HEATR5A: variants seen among roughly 807,000 people sequenced by gnomAD.
HEATR5A encodes the protein HEAT repeat-containing protein 5A.
Under a neutral mutation model 218.8 loss-of-function variants are expected in HEATR5A, and 178 were observed. The ratio of observed to expected loss-of-function variants is 0.81; its 90% confidence interval spans 0.72 to 0.92. The LOEUF (loss-of-function observed/expected upper bound fraction) is 0.92, where lower values mean the gene tolerates loss of function less well. Among genes scored for constraint, HEATR5A ranks in the 40% least tolerant of loss-of-function variants. The pLI, the probability that HEATR5A is intolerant of heterozygous loss-of-function variation, is 0.00. For synonymous variants in HEATR5A, 864 were observed against 871.6 expected, an observed-to-expected ratio of 0.99 and a Z score of 0.15; for missense variants, 2,420 against 2,418.9, an observed-to-expected ratio of 1.00 and a Z score of -0.01.
chr14:31,382,643 C>T (rs1424938811), intron 10 of HEATR5A, among the ~76,000 whole-genome samples: 1 of 151,652 alleles, frequency 6.6e-6, no homozygotes, highest in Non-Finnish European at 1.5e-5. Context: ...TACATTAAAA[C>T]TGGGTTATTT....
chr14:31,350,846 C>T (rs1394729977), intron 16 of HEATR5A, 129 bp from the exon 17 acceptor site: 9 of 579,028 alleles, frequency 1.6e-5, no homozygotes, highest in African/African-American at 3.8e-5. Flanking sequence ...GGCACCATCT[C>T]GGCTCACTAC....
chr14:31,344,006 G>A lies in HEATR5A; in HGVS notation c.3118C>T (p.Gln1040Ter). The A allele has an allele frequency of 6.2e-7, 1 of 1,609,976 alleles. No homozygotes were observed. The highest frequency in any genetic ancestry group is 8.5e-7 in the Non-Finnish European group (1 of 1,178,050). Residue 1040 changes from glutamine (Q) to a stop codon, truncating the protein, a stop_gained, in exon 21 of 36, where the codon CAA becomes TAA. Coordinates refer to ENST00000543095, the MANE Select transcript of HEATR5A (RefSeq NM_015473.4). LOFTEE classifies it high-confidence loss of function. Reference protein sequence around the residue: ...TSCLLGCAVMQDNPDCLVQAQ... With the variant: ...TSCLLGCAVM ...TGAACAAGGCAGTCTGGGTTATCTTGCATTACTGCACAACCCAGTAGACAG... is the reference window on the plus strand; with the variant it reads ...TGAACAAGGCAGTCTGGGTTATCTTACATTACTGCACAACCCAGTAGACAG...
At chr14:31,381,867 T>C (rs779316727) in intron 10 of HEATR5A, among the ~76,000 whole-genome samples, 2 of 152,140 alleles carry the variant, frequency 1.3e-5, no homozygotes, top group Non-Finnish European at 2.9e-5. Flanking sequence ...GCTTACACAG[T>C]ACAAGGCCAG....
intron 14 of HEATR5A, among the ~76,000 whole-genome samples, chr14:31,363,787 C>T (rs1384981139): frequency 6.6e-6 from 1 of 152,106 alleles, no homozygotes; most frequent in African/African-American, 2.4e-5. Flanking sequence ...TCGAGACCAG[C>T]TTGGGCAACA....
rs767931406 is a variant in HEATR5A at position 31,309,229 on chromosome 14, A to G, written c.4442-47T>C. 14 of 1,585,700 alleles carry G rather than the reference A, an allele frequency of 8.8e-6. No individual in the cohort carries two copies. The South Asian group carries it at 1.5e-4, about 17-fold the overall frequency. Reference sequence around the variant, plus strand: ...AAAATAAGAGATTAACTTCCAATATATTTTCTCTTTTTTCTGTTACAAGAT... The same window carrying G: ...AAAATAAGAGATTAACTTCCAATATGTTTTCTCTTTTTTCTGTTACAAGAT... On this transcript the variant is annotated intron_variant, in intron 28 of 35. Transcript: ENST00000543095.
At chr14:31,336,213 CATACATATATATATATATATATAT>C (rs1315289866) in intron 22 of HEATR5A, among the ~76,000 whole-genome samples, 1,621 of 90,730 alleles carry the variant, frequency 0.018, 97 homozygotes, top group African/African-American at 0.052. Flanking sequence ...TATATACATA[CATACATATATATATATATATATAT>C]ATATATATAT....
At chr14:31,344,160 AAC>A (rs1413543789) in intron 20 of HEATR5A, 95 bp from the exon 21 acceptor site, 2 of 652,828 alleles carry the variant, frequency 3.1e-6, no homozygotes, top group African/African-American at 3.7e-5. Flanking sequence ...TTCCAGTTTA[AAC>A]ATATATTACA....
chr14:31,318,083 A>C, intron 26 of HEATR5A, 141 bp downstream of exon 26: 3 of 663,130 alleles, frequency 4.5e-6, no homozygotes, highest in Non-Finnish European at 8.0e-6. Flanking sequence ...GTTATCAAAA[A>C]GGAAGAGTAA....
In HEATR5A at chr14:31,294,059, G is replaced by T; in HGVS notation, c.5665C>A (p.Pro1889Thr). 6.2e-7 allele frequency: 1 copy of T among 1,601,436 alleles called. No individual in the cohort carries two copies. The highest frequency in any genetic ancestry group is 1.1e-5 in the South Asian group (1 of 88,612). ...TATGGGTAGGAAACAGCTGGATTTG[G>T]ATACTGAAAGATGGAATGTAGGAGC... ...YQLLHSIFQYPNPAVSYPYIY... is the reference protein window; with the variant it reads ...YQLLHSIFQYTNPAVSYPYIY... Residue 1889 changes from proline to threonine, a missense_variant, in exon 35 of 36, where the codon CCA becomes ACA. Physicochemically the swap from Pro to Thr is conservative, Grantham distance 38. Coordinates refer to ENST00000543095, the MANE Select transcript of HEATR5A (RefSeq NM_015473.4).
At chr14:31,396,078 TG>T (rs2030641536) in intron 4 of HEATR5A, among the ~76,000 whole-genome samples, 1 of 152,108 alleles carries the variant, frequency 6.6e-6, no homozygotes, top group Non-Finnish European at 1.5e-5. Flanking sequence ...GCTGCTTGGC[TG>T]GGTGCGGTGG....
At chr14:31,365,544 T>C (rs959133448) in intron 13 of HEATR5A, among the ~76,000 whole-genome samples, 1 of 151,790 alleles carries the variant, frequency 6.6e-6, no homozygotes, top group African/African-American at 2.4e-5. Context: ...GTATTTTTAG[T>C]AGAGATGGGG....
At chr14:31,318,517 C>A (rs918267490) in intron 25 of HEATR5A, among the ~76,000 whole-genome samples, 2 of 152,100 alleles carry the variant, frequency 1.3e-5, no homozygotes, top group Admixed American at 1.3e-4. Context: ...GACGGAGTCT[C>A]GCCCTGTCGC....
At chr14:31,359,999 G>C (rs1201270087) in intron 14 of HEATR5A, among the ~76,000 whole-genome samples, 8 of 150,744 alleles carry the variant, frequency 5.3e-5, no homozygotes, top group Admixed American at 4.0e-4. Context: ...TATCATTAAA[G>C]TGAAATACAT....
At position 31,321,610 on chromosome 14, in the gene HEATR5A, G is replaced by A. The variant is rs1461721664; in HGVS notation, c.3858C>T (p.Asp1286=). The change falls in exon 25 of 36, where the codon GAC becomes GAT. Residue 1286 remains aspartate, a synonymous_variant. Coordinates refer to ENST00000543095, the MANE Select transcript of HEATR5A (RefSeq NM_015473.4). The stretch of plus-strand genomic sequence containing the variant: ...TTTCAAGGCCAGAAAGACGGAGCTG[G>A]TCACTGTGATCTGTGGCAGCCATAA... ...MAFMAATDHS[D]QLRLSGLEML... 2 of 1,610,058 alleles carry A rather than the reference G, an allele frequency of 1.2e-6. No homozygotes were observed. Among genetic ancestry groups the A allele is most frequent in the Non-Finnish European group, 1.7e-6 (2 of 1,178,408 alleles).
At chr14:31,367,561 C>A (rs1441095616) in intron 13 of HEATR5A, among the ~76,000 whole-genome samples, 3 of 144,274 alleles carry the variant, frequency 2.1e-5, no homozygotes, top group Admixed American at 1.5e-4. Flanking sequence ...CACCACTATG[C>A]CCAGCTAATT....
In HEATR5A at chr14:31,323,713, T is replaced by C; in HGVS notation, c.3639A>G (p.Glu1213=). 6.2e-7 allele frequency: 1 copy of C among 1,613,798 alleles called. No individual in the cohort carries two copies. The highest frequency in any genetic ancestry group is 1.1e-5 in the South Asian group (1 of 91,078). ...GGGGATTGGTAAAAGGATGGGATTT[T>C]TCATCACGTCTGGTGGTCAGGACTG... The part of the protein sequence containing the change: ...DASVLTTRRD[E]KSHPFTNPRW... Residue 1213 remains glutamate (E), a synonymous_variant, in exon 24 of 36, where the codon GAA becomes GAG. Transcript: ENST00000543095.
intron 21 of HEATR5A, among the ~76,000 whole-genome samples, chr14:31,340,234 G>A (rs1900797130): frequency 6.6e-6 from 1 of 152,162 alleles, no homozygotes; most frequent in Admixed American, 6.5e-5. Context: ...TTTAGTGCAA[G>A]GAGTGAGTGC....
chr14:31,404,526 A>G (rs2030988711), intron 1 of HEATR5A, among the ~76,000 whole-genome samples: 1 of 152,222 alleles, frequency 6.6e-6, no homozygotes, highest in Non-Finnish European at 1.5e-5. Context: ...ATAAAAAGAC[A>G]GTAGTCACAA....
At chr14:31,365,333 G>A (rs1901761977) in intron 13 of HEATR5A, among the ~76,000 whole-genome samples, 1 of 152,072 alleles carries the variant, frequency 6.6e-6, no homozygotes, top group Non-Finnish European at 1.5e-5. Context: ...TTCTGGCAAT[G>A]TTGAGTCATT....
Sources: gnomAD v4.1 joint callset for allele counts (sites outside exome capture counted in the v4.1 genomes callset) on GRCh38, gnomAD v4.1.1 for gene constraint, MANE v1.5 for transcripts, NCBI Gene and HGNC (gene_info 2026-07-23, HGNC 2026-07-21) for gene names.